Variants in DOT1L observed in about 807,000 individuals in gnomAD.
DOT1L encodes the protein histone-lysine N-methyltransferase, H3 lysine-79 specific.
DOT1L carries 33 observed loss-of-function variants against 153.3 expected under a neutral mutation model. The observed-to-expected ratio is 0.22, with a 90% CI of 0.16 to 0.29. DOT1L has a LOEUF of 0.29. DOT1L is among the 10% of genes least tolerant of loss of function. The probability of loss-of-function intolerance (pLI) is 1.00; values close to 1 mark genes in which losing one functional copy is unlikely to be tolerated. For missense variants in DOT1L, 1,847 were observed against 2,119.9 expected, an observed-to-expected ratio of 0.87 and a Z score of 2.53; for synonymous variants, 1,135 against 965.1, an observed-to-expected ratio of 1.18 and a Z score of -3.26.
chr19:2,194,476 TGA>T, intron 6 of DOT1L, 37 bp from the exon 7 acceptor site: 2 of 1,611,848 alleles, frequency 1.2e-6, no homozygotes, highest in Non-Finnish European at 1.7e-6. Context: ...TGGCTTGCCC[TGA>T]GAGTTTGTAA....
At position 2,222,756 on chromosome 19, in the gene DOT1L, C is replaced by T. The variant is rs1051488065; in HGVS notation, c.3390+197C>T. On this transcript the variant is annotated intron_variant, in intron 24 of 27. Transcript: ENST00000398665. This position sits in a 1 kb window ranked among gnomAD's most constrained non-coding sequence, Gnocchi z 6.5. ...TCTACCAAAAATACAAAAGATTAGC[C>T]GGGCGTGGTGGCGGGTGCCTGGGAG... 24 of 600,974 alleles carry T rather than the reference C, an allele frequency of 4.0e-5. No homozygotes were observed. Among genetic ancestry groups the T allele is most frequent in the East Asian group, 2.1e-4 (7 of 33,494 alleles). 37.2% of individuals were successfully genotyped at this position (600,974 alleles called of 1,614,324 possible). A position where few individuals can be genotyped will look rare whatever the true frequency, so the allele number is the denominator to read the frequency against.
rs542289083 is a variant in DOT1L, at chr19:2,229,379, G to A, written c.4607-406G>A. On this transcript the variant is annotated intron_variant, in intron 27 of 27. Coordinates refer to ENST00000398665, the MANE Select transcript of DOT1L (RefSeq NM_032482.3). ...TTCCTGGGCGAGTCCAAAGCCCACCGGGCAAGGAGAGGAGGACTGGGAGCC... is the reference window on the plus strand; with the variant it reads ...TTCCTGGGCGAGTCCAAAGCCCACCAGGCAAGGAGAGGAGGACTGGGAGCC... The A allele has an allele frequency of 3.6e-4, 350 of 985,474 alleles. No homozygotes were observed. The African/African-American group carries it at 3.6e-3, about 10-fold the overall frequency. The allele number at this position is 985,474 out of a possible 1,614,324, so 61.0% of individuals were successfully genotyped here.
chr19:2,227,304 C>G, intron 27 of DOT1L, 177 bp downstream of exon 27: 3 of 839,278 alleles, frequency 3.6e-6, no homozygotes, highest in South Asian at 2.8e-5. Flanking sequence ...GGAGAGGGCT[C>G]ACGCTGAGTC....
rs2024636658 is a variant in DOT1L at position 2,232,295 on chromosome 19, G to GA, written c.*2503_*2504insA. 4.7e-6 allele frequency: 1 copy of GA among 214,626 alleles called. No homozygotes were observed. Among genetic ancestry groups the GA allele is most frequent in the Non-Finnish European group, 9.3e-6 (1 of 107,104 alleles). The allele number at this position is 214,626 out of a possible 1,614,324, so 13.3% of individuals were successfully genotyped here. ...TTAAGACTTCCCCCTTAATTTATCT[G>GA]CCCCCAGGATGCGTCAGTCTGTTCA... On this transcript the variant is annotated 3_prime_UTR_variant, in exon 28 of 28. Transcript: ENST00000398665.
At chr19:2,198,766 G>A (rs987260179) in intron 7 of DOT1L, among the ~76,000 whole-genome samples, 1 of 152,204 alleles carries the variant, frequency 6.6e-6, no homozygotes, top group Admixed American at 6.5e-5. Flanking sequence ...GTCTCTGGAT[G>A]GGCCTGTCCC....
Position 2,223,448 on chromosome 19 carries a change from C to G in DOT1L, c.3558C>G (p.Asp1186Glu), listed in dbSNP as rs374451583. ...NGAHYSPLTS[D>E]EEPGSEDEPS... is the part of the protein sequence containing the mutation. ...CACACTACTCCCCACTCACCTCAGA[C>G]GAGGAGCCAGGCTCTGAGGACGAGC... Residue 1186 changes from aspartate to glutamate, a missense_variant, in exon 25 of 28, where the codon GAC becomes GAG. By Grantham distance (45) the Asp-to-Glu change is conservative (BLOSUM62 2). Transcript: ENST00000398665. 2 of 1,612,948 alleles carry G rather than the reference C, an allele frequency of 1.2e-6. No homozygotes were observed. The highest frequency in any genetic ancestry group is 2.2e-5 in the East Asian group (1 of 44,850).
At chr19:2,221,787 T>C in intron 23 of DOT1L, 189 bp from the exon 24 acceptor site, 1 of 628,014 alleles carries the variant, frequency 1.6e-6, no homozygotes, top group Non-Finnish European at 2.7e-6. Flanking sequence ...GGGTCAGCCC[T>C]GAGCCTTGAG....
intron 9 of DOT1L, among the ~76,000 whole-genome samples, chr19:2,203,049 G>C (rs1367539343): frequency 6.6e-6 from 1 of 152,200 alleles, no homozygotes; most frequent in African/African-American, 2.4e-5. Context: ...AGTCTCCCGA[G>C]TAGCTGGGAC....
chr19:2,203,353 G>A (rs1002924123), intron 9 of DOT1L, among the ~76,000 whole-genome samples: 69 of 152,130 alleles, frequency 4.5e-4, no homozygotes, highest in Admixed American at 4.3e-3. Context: ...TGCCCGCCTC[G>A]GCCCCCGCAA....
At chr19:2,229,371 AG>A in intron 27 of DOT1L, 1 of 985,434 alleles carries the variant, frequency 1.0e-6, no homozygotes, top group Non-Finnish European at 1.2e-6. Flanking sequence ...GCGAGTCCAA[AG>A]CCCACCGGGC....
intron 16 of DOT1L, 134 bp from the exon 17 acceptor site, chr19:2,213,405 C>A: frequency 1.2e-6 from 1 of 825,828 alleles, no homozygotes; most frequent in Admixed American, 2.6e-5. Flanking sequence ...CATCTCAGCC[C>A]GGTGTGGGTC....
chr19:2,208,163 G>A lies in DOT1L; in HGVS notation c.963+483G>A, dbSNP rs562354402. 2.0e-5 allele frequency among the ~76,000 whole-genome samples: 3 copies of A among 152,188 alleles called. No homozygotes were observed. Among genetic ancestry groups the A allele is most frequent in the East Asian group, 3.9e-4 (2 of 5,172 alleles). On this transcript the variant is annotated intron_variant, in intron 11 of 27. Coordinates refer to ENST00000398665, the MANE Select transcript of DOT1L (RefSeq NM_032482.3). This position sits in a 1 kb window ranked among gnomAD's most constrained non-coding sequence, Gnocchi z 4.4. ...CTGACACAGCCCTGGGCCAGTGTGC[G>A]GCCTGCCTGCCTCCCACGGTGCTTC...
In DOT1L at chr19:2,211,153, G is replaced by C. The variant is rs762394774; in HGVS notation, c.1406G>C (p.Arg469Pro). Reference sequence around the variant, plus strand: ...TACCAGCTACCTCCGAGCGTGCAGCGGCACTCCCCCAACCCGCTGCTGGTG... The same window carrying C: ...TACCAGCTACCTCCGAGCGTGCAGCCGCACTCCCCCAACCCGCTGCTGGTG... ...PFYQLPPSVQ[R>P]HSPNPLLVAP... is the part of the protein sequence containing the mutation. Residue 469 changes from arginine (R) to proline (P), a missense_variant, in exon 15 of 28, where the codon CGG becomes CCG. By Grantham distance (103) the Arg-to-Pro change is moderately radical (BLOSUM62 -2). Coordinates refer to ENST00000398665, the MANE Select transcript of DOT1L (RefSeq NM_032482.3). 6.2e-7 allele frequency: 1 copy of C among 1,612,864 alleles called. No individual in the cohort carries two copies. The highest frequency in any genetic ancestry group is 1.1e-5 in the South Asian group (1 of 91,048).
rs1171839447 is a variant in DOT1L, at chr19:2,226,603, G to T, written c.4082G>T (p.Gly1361Val). The T allele has an allele frequency of 2.5e-6, 4 of 1,597,560 alleles. No individual in the cohort carries two copies. The highest frequency in any genetic ancestry group is 2.6e-6 in the Non-Finnish European group (3 of 1,176,270). The change falls in exon 27 of 28, where the codon GGC becomes GTC. Residue 1361 changes from glycine (G) to valine (V), a missense_variant. By Grantham distance (109) the Gly-to-Val change is moderately radical. Coordinates refer to ENST00000398665, the MANE Select transcript of DOT1L (RefSeq NM_032482.3). The part of the protein sequence containing the change: ...LSFPSQRGKE[G>V]SDANPFLSKR... ...TTCCCCTCGCAGCGCGGCAAGGAGG[G>T]CTCGGACGCCAACCCTTTCCTGAGC...
chr19:2,203,306 G>A (rs563657787), intron 9 of DOT1L, among the ~76,000 whole-genome samples: 1 of 152,254 alleles, frequency 6.6e-6, no homozygotes, highest in Admixed American at 6.5e-5. Flanking sequence ...CACCATGTTG[G>A]CCAGGCTGGT....
chr19:2,221,636 T>C (rs893862726), intron 23 of DOT1L: 1 of 354,032 alleles, frequency 2.8e-6, no homozygotes, highest in African/African-American at 2.1e-5. Context: ...ATGGTGTCTC[T>C]GAGATCACGG....
At chr19:2,206,965 C>T (rs2023521511) in intron 10 of DOT1L, among the ~76,000 whole-genome samples, 168 bp downstream of exon 10, 1 of 152,176 alleles carries the variant, frequency 6.6e-6, no homozygotes, top group African/African-American at 2.4e-5. Context: ...CCCTGGTGTC[C>T]ACCCACTCCA....
rs1229167643 is a variant in DOT1L at position 2,198,169 on chromosome 19, C to T, written c.652-1715C>T. ...CCAGGGAGGGTTCCCAGCCCCAGGC[C>T]TGTGATGCGAGCCCGGATCTGCTTA... On this transcript the variant is annotated intron_variant, in intron 7 of 27. Coordinates refer to ENST00000398665, the MANE Select transcript of DOT1L (RefSeq NM_032482.3). Among the ~76,000 whole-genome samples, 4 of 152,228 alleles carry T rather than the reference C, an allele frequency of 2.6e-5. No homozygotes were observed. The East Asian group carries it at 7.7e-4, about 29-fold the overall frequency.
chr19:2,165,678 G>T (rs2019886561), intron 1 of DOT1L, among the ~76,000 whole-genome samples: 1 of 152,216 alleles, frequency 6.6e-6, no homozygotes, highest in African/African-American at 2.4e-5. Flanking sequence ...GTGGTAGAAG[G>T]CATATGACCA....
Sources: allele counts gnomAD v4.1 joint callset (sites outside exome capture counted in the v4.1 genomes callset), GRCh38; gene constraint gnomAD v4.1.1; non-coding constraint Gnocchi (gnomAD v3.1); transcripts MANE v1.5; gene names NCBI Gene and HGNC (gene_info 2026-07-23, HGNC 2026-07-21).